WNT8B: variants seen among roughly 807,000 people sequenced by gnomAD.
WNT8B encodes Wnt family member 8B, also known as protein Wnt-8b.
In WNT8B, 24 loss-of-function variants were observed where a neutral mutation model predicts 36.6. The ratio of observed to expected loss-of-function variants is 0.66; its 90% confidence interval spans 0.48 to 0.92. The LOEUF (loss-of-function observed/expected upper bound fraction) is 0.92, where lower values mean the gene tolerates loss of function less well. WNT8B is among the 40% of genes least tolerant of loss of function. The pLI is 0.00. For missense variants in WNT8B, 402 were observed against 470.8 expected, an observed-to-expected ratio of 0.85 and a Z score of 1.35; for synonymous variants, 199 against 189.8, an observed-to-expected ratio of 1.05 and a Z score of -0.40.
chr10:100,466,130 GAGGATTCTT>G (rs1320538064), intron 1 of WNT8B, among the ~76,000 whole-genome samples: 2 of 151,982 alleles, frequency 1.3e-5, no homozygotes, highest in East Asian at 3.8e-4. Context: ...CACGATAGGG[GAGGATTCTT>G]ATCCTCAAAG....
Position 100,482,256 on chromosome 10 carries a change from T to C in WNT8B, c.511-15T>C. The C allele has an allele frequency of 6.4e-7, 1 of 1,571,798 alleles. No homozygotes were observed. Among genetic ancestry groups the C allele is most frequent in the South Asian group, 1.2e-5 (1 of 86,102 alleles). ...CGCTTAATCCGGGGCCTCTCACTCC[T>C]AGCTCTCTCCCCAGGCGGTGAAGGG... On this transcript the variant is annotated splice_polypyrimidine_tract_variant and intron_variant, in intron 5 of 5. Transcript: ENST00000343737. The surrounding 1 kb of genome is among the most constrained non-coding windows in gnomAD (Gnocchi z 6.6).
intron 1 of WNT8B, among the ~76,000 whole-genome samples, chr10:100,471,644 G>A (rs1850978712): frequency 6.6e-6 from 1 of 152,256 alleles, no homozygotes; most frequent in South Asian, 2.1e-4. Context: ...AAAACGGGCT[G>A]CAGAAAAGCA....
chr10:100,481,329 C>A (rs932024449), intron 4 of WNT8B, among the ~76,000 whole-genome samples: 19 of 152,096 alleles, frequency 1.2e-4, no homozygotes, highest in African/African-American at 4.8e-5. Context: ...GAGTAGTTTC[C>A]TTAATTTAAA....
At chr10:100,481,562 G>A (rs2133659164) in intron 4 of WNT8B, among the ~76,000 whole-genome samples, 1 of 152,150 alleles carries the variant, frequency 6.6e-6, no homozygotes, top group South Asian at 2.1e-4. Context: ...TCATCTTTTT[G>A]GCACCATTTT....
chr10:100,482,516 C>T lies in WNT8B; in HGVS notation c.756C>T (p.Ser252=), dbSNP rs889353738. ...STRELVHLED[S]PDYCLENKTL... ...GGGAGCTGGTGCACCTGGAGGACTC[C>T]CCGGACTACTGCCTGGAGAACAAAA... Residue 252 remains serine (S), a synonymous_variant, in exon 6 of 6, where the codon TCC becomes TCT. Coordinates refer to ENST00000343737, the MANE Select transcript of WNT8B (RefSeq NM_003393.4). The surrounding 1 kb of genome is among the most constrained non-coding windows in gnomAD (Gnocchi z 6.6). 1.2e-6 allele frequency: 2 copies of T among 1,600,686 alleles called. No individual in the cohort carries two copies.
Position 100,482,760 on chromosome 10 carries a change from A to G in WNT8B, c.1000A>G (p.Ser334Gly). Residue 334 changes from serine to glycine, a missense_variant, in exon 6 of 6, where the codon AGC becomes GGC. Ser to Gly is a moderately conservative substitution (Grantham distance 56). Coordinates refer to ENST00000343737, the MANE Select transcript of WNT8B (RefSeq NM_003393.4). The surrounding 1 kb of genome is among the most constrained non-coding windows in gnomAD (Gnocchi z 6.6). ...CRRRVTKYFC[S>G]RAERPRGGAA... ...CCGGAGGGTCACCAAGTACTTCTGT[A>G]GCCGCGCAGAGCGGCCGCGGGGGGG... 6.3e-7 allele frequency: 1 copy of G among 1,592,868 alleles called. No individual in the cohort carries two copies. The highest frequency in any genetic ancestry group is 8.6e-7 in the Non-Finnish European group (1 of 1,168,862).
intron 1 of WNT8B, among the ~76,000 whole-genome samples, chr10:100,473,322 A>C (rs983896679): frequency 1.3e-5 from 2 of 152,222 alleles, no homozygotes; most frequent in Admixed American, 1.3e-4. Context: ...TTAACAAATC[A>C]ATGATTTTTT....
chr10:100,481,212 C>T (rs575669608), intron 4 of WNT8B, 89 bp downstream of exon 4: 1 of 1,504,328 alleles, frequency 6.6e-7, no homozygotes, highest in Non-Finnish European at 8.9e-7. Flanking sequence ...GAGCTGTATT[C>T]TTCTAAATAT....
intron 1 of WNT8B, among the ~76,000 whole-genome samples, chr10:100,474,066 G>A (rs1851007504): frequency 6.6e-6 from 1 of 152,186 alleles, no homozygotes; most frequent in African/African-American, 2.4e-5. Flanking sequence ...TTTTGGACAC[G>A]TTAAGTTTGA....
chr10:100,469,357 T>A lies in WNT8B; in HGVS notation c.68+6121T>A, dbSNP rs115563338. The stretch of plus-strand genomic sequence containing the variant: ...TAGATCCCTCCACTGATACCAGCTT[T>A]GTTCCCTCTTGACATATTTTTAAGT... On this transcript the variant is annotated intron_variant, in intron 1 of 5. Transcript: ENST00000343737. 1.5e-3 allele frequency among the ~76,000 whole-genome samples: 228 copies of A among 152,344 alleles called. 1 individual carries two copies. Among genetic ancestry groups the A allele is most frequent in the African/African-American group, 5.0e-3 (206 of 41,590 alleles).
At chr10:100,476,650 A>G (rs1336584206) in intron 1 of WNT8B, among the ~76,000 whole-genome samples, 2 of 152,258 alleles carry the variant, frequency 1.3e-5, no homozygotes, top group African/African-American at 4.8e-5. Context: ...ATGGAAAAAC[A>G]AAGATAATAG....
chr10:100,466,806 A>C (rs761479679), intron 1 of WNT8B, among the ~76,000 whole-genome samples: 4 of 151,340 alleles, frequency 2.6e-5, no homozygotes, highest in African/African-American at 9.7e-5. Context: ...ATGCTGCTCT[A>C]TATTGGGTGA....
In WNT8B at chr10:100,483,354, A is replaced by G. The variant is rs1412557352; in HGVS notation, c.*538A>G. ...TTCCTTTCCCAGAAAAACTGAGGAA[A>G]CTGGCCCCGGAAAAGCATGTCTTTG... On this transcript the variant is annotated 3_prime_UTR_variant, in exon 6 of 6. Transcript: ENST00000343737. 1 of 152,300 alleles carries G rather than the reference A, an allele frequency of 6.6e-6. No individual in the cohort carries two copies. Among genetic ancestry groups the G allele is most frequent in the East Asian group, 1.9e-4 (1 of 5,198 alleles). 9.4% of individuals were successfully genotyped at this position (152,300 alleles called of 1,614,324 possible). A position where few individuals can be genotyped will look rare whatever the true frequency, so the allele number is the denominator to read the frequency against.
rs1467512409 is a variant in WNT8B at position 100,463,056 on chromosome 10, G to A, written c.-113G>A. 2.1e-6 allele frequency: 2 copies of A among 950,864 alleles called. No homozygotes were observed. Among genetic ancestry groups the A allele is most frequent in the African/African-American group, 3.3e-5 (2 of 61,112 alleles). 58.9% of individuals were successfully genotyped at this position (950,864 alleles called of 1,614,324 possible). On this transcript the variant is annotated 5_prime_UTR_variant, in exon 1 of 6. Coordinates refer to ENST00000343737, the MANE Select transcript of WNT8B (RefSeq NM_003393.4). Reference sequence around the variant, plus strand: ...TGTTTGGGATCGCTTACACACCAAGGAAGTTGGGCTTTGAGAATTCCATCC... The same window carrying A: ...TGTTTGGGATCGCTTACACACCAAGAAAGTTGGGCTTTGAGAATTCCATCC...
At chr10:100,476,741 A>G (rs1851042511) in intron 1 of WNT8B, among the ~76,000 whole-genome samples, 1 of 152,250 alleles carries the variant, frequency 6.6e-6, no homozygotes, top group Admixed American at 6.5e-5. Context: ...GTATATGTAC[A>G]TATATATTTA....
intron 1 of WNT8B, among the ~76,000 whole-genome samples, chr10:100,476,589 A>C (rs1851040575): frequency 1.6e-5 from 1 of 63,614 alleles, no homozygotes; most frequent in South Asian, 3.9e-4. Flanking sequence ...GCAGGGGTAC[A>C]CCAGCATGGA....
intron 1 of WNT8B, among the ~76,000 whole-genome samples, chr10:100,470,781 G>A (rs1289464654): frequency 6.6e-6 from 1 of 152,014 alleles, no homozygotes; most frequent in Admixed American, 6.6e-5. Context: ...TCACTCTGTC[G>A]CCTAGGCTGG....
chr10:100,482,167 G>A lies in WNT8B; in HGVS notation c.511-104G>A, dbSNP rs1851121682. ...AGATTGGCAAAATGAGGTACCAAGT[G>A]GGCTGGCCCAGTAGACTAACTAGAC... On this transcript the variant is annotated intron_variant, in intron 5 of 5. Coordinates refer to ENST00000343737, the MANE Select transcript of WNT8B (RefSeq NM_003393.4). The surrounding 1 kb of genome is among the most constrained non-coding windows in gnomAD (Gnocchi z 6.6). 6.4e-7 allele frequency: 1 copy of A among 1,553,166 alleles called. No individual in the cohort carries two copies. Among genetic ancestry groups the A allele is most frequent in the African/African-American group, 1.4e-5 (1 of 73,862 alleles).
chr10:100,475,897 G>T (rs1388893628), intron 1 of WNT8B, among the ~76,000 whole-genome samples: 1 of 152,166 alleles, frequency 6.6e-6, no homozygotes, highest in Non-Finnish European at 1.5e-5. Flanking sequence ...ATTCATTTAA[G>T]TCATTCTGAA....
Sources: gnomAD v4.1 joint callset for allele counts (sites outside exome capture counted in the v4.1 genomes callset) on GRCh38, gnomAD v4.1.1 for gene constraint, Gnocchi (gnomAD v3.1) non-coding constraint, MANE v1.5 for transcripts, NCBI Gene and HGNC (gene_info 2026-07-23, HGNC 2026-07-21) for gene names.